The following MICAL2 variants were observed in gnomAD, a reference collection of about 807,000 sequenced individuals.
MICAL2 encodes the protein [F-actin]-monooxygenase MICAL2.
A neutral mutation model predicts 127.3 loss-of-function variants in MICAL2; 77 were observed. That is an observed-to-expected ratio of 0.60 (90% CI 0.50 to 0.73). The LOEUF is 0.73. MICAL2 is among the 30% of genes least tolerant of loss of function. The pLI is 0.00. For synonymous variants in MICAL2, 570 were observed against 551.1 expected, an observed-to-expected ratio of 1.03 and a Z score of -0.48; for missense variants, 1,351 against 1,434.4, an observed-to-expected ratio of 0.94 and a Z score of 0.94.
downstream of MICAL2, among the ~76,000 whole-genome samples, chr11:12,291,116 G>C (rs1863893066): frequency 6.6e-6 from 1 of 152,164 alleles, no homozygotes; most frequent in Non-Finnish European, 1.5e-5. Flanking sequence ...GGAGGTCCTG[G>C]GAAGTTTCTG....
intron 26 of MICAL2, chr11:12,262,072 G>A (rs1055870968): frequency 1.4e-5 from 15 of 1,085,334 alleles, no homozygotes; most frequent in Middle Eastern, 4.4e-4. Flanking sequence ...GACAGGGCGT[G>A]CCTGTCAGAA....
chr11:12,190,262 T>C (rs978523706), intron 3 of MICAL2, among the ~76,000 whole-genome samples: 1 of 152,174 alleles, frequency 6.6e-6, no homozygotes, highest in Non-Finnish European at 1.5e-5. Flanking sequence ...GATTTTCTTC[T>C]GCAAACACCC....
At chr11:12,236,679 T>A (rs896712279) in intron 16 of MICAL2, among the ~76,000 whole-genome samples, 6 of 152,270 alleles carry the variant, frequency 3.9e-5, no homozygotes, top group Non-Finnish European at 7.3e-5. Flanking sequence ...TTAAGGCATA[T>A]GTCGTGGTCT....
intron 20 of MICAL2, 69 bp from the exon 21 acceptor site, chr11:12,243,890 CTTGAGTGCACAGGCATGGGACTGCATGA>C (rs1156726433): frequency 6.9e-7 from 1 of 1,457,266 alleles, no homozygotes; most frequent in African/African-American, 1.4e-5. Context: ...TCTTTGCCTT[CTTGAGTGCACAGGCATGGGACTGCATGA>C]TTGAGGCATG....
At chr11:12,329,862 GAAA>G (rs59395634) in intron 32 of MICAL2, among the ~76,000 whole-genome samples, 138 of 121,952 alleles carry the variant, frequency 1.1e-3, no homozygotes, top group African/African-American at 4.4e-3. Flanking sequence ...CCCCAAATAT[GAAA>G]AAAAAAAAAA....
downstream of MICAL2, among the ~76,000 whole-genome samples, chr11:12,290,120 C>A (rs1356975100): frequency 3.9e-5 from 6 of 152,208 alleles, no homozygotes. Context: ...ACCTCCCAAG[C>A]AGTGGCTTGA....
At chr11:12,295,585 T>C (rs1244917980), downstream of MICAL2, among the ~76,000 whole-genome samples, 1 of 151,802 alleles carries the variant, frequency 6.6e-6, no homozygotes, top group Non-Finnish European at 1.5e-5. Flanking sequence ...TTTGTGGAGA[T>C]GGAGTCTCAA....
At chr11:12,212,314 T>C (rs1353535539) in intron 6 of MICAL2, among the ~76,000 whole-genome samples, 2 of 150,826 alleles carry the variant, frequency 1.3e-5, no homozygotes, top group Non-Finnish European at 3.0e-5. Flanking sequence ...CACAAACACT[T>C]AAAAAAAAAT....
intron 2 of MICAL2, among the ~76,000 whole-genome samples, chr11:12,148,879 G>A (rs2133699539): frequency 6.6e-6 from 1 of 152,330 alleles, no homozygotes; most frequent in African/African-American, 2.4e-5. Flanking sequence ...AGCCCAGCCA[G>A]GCGTCACTGT....
chr11:12,242,612 A>T, intron 19 of MICAL2, 59 bp from the exon 20 acceptor site: 1 of 1,535,246 alleles, frequency 6.5e-7, no homozygotes, highest in South Asian at 1.1e-5. Flanking sequence ...TTGGAAGCCA[A>T]CTGTCTCAGT....
intron 29 of MICAL2, among the ~76,000 whole-genome samples, chr11:12,318,867 G>A (rs1009306057): frequency 1.3e-5 from 2 of 152,100 alleles, no homozygotes; most frequent in Non-Finnish European, 2.9e-5. Flanking sequence ...TAGTTAACGT[G>A]GGCACTTTGC....
In MICAL2 at chr11:12,162,242, C is replaced by A; in HGVS notation, c.87C>A (p.Leu29=). 6.2e-7 allele frequency: 1 copy of A among 1,614,230 alleles called. No individual in the cohort carries two copies. Among genetic ancestry groups the A allele is most frequent in the Non-Finnish European group, 8.5e-7 (1 of 1,180,044 alleles). ...FVQASTCKGT[L]QAFNILTRHL... ...AGGCATCCACGTGCAAAGGTACCCT[C>A]CAGGCCTTCAACATTCTCACACGAC... The change falls in exon 3 of 28, where the codon CTC becomes CTA. Residue 29 remains leucine, a synonymous_variant. Coordinates refer to ENST00000683283, the MANE Select transcript of MICAL2 (RefSeq NM_001282663.2).
rs1174960846 is a variant in MICAL2 at position 12,319,320 on chromosome 11, G to A, written c.5213-376G>A. Reference sequence around the variant, plus strand: ...AGAACGAACCTTACACAAGCATTTAGGTAACTCAACTAACTTCAGACATGC... The same window carrying A: ...AGAACGAACCTTACACAAGCATTTAAGTAACTCAACTAACTTCAGACATGC... On this transcript the variant is annotated intron_variant, in intron 29 of 34. Coordinates refer to the MICAL2 transcript ENST00000646065. Among the ~76,000 whole-genome samples, 3 of 151,948 alleles carry A rather than the reference G, an allele frequency of 2.0e-5. No homozygotes were observed. The East Asian group carries it at 5.8e-4, about 29-fold the overall frequency.
chr11:12,110,962 T>G lies in MICAL2; in HGVS notation c.-149+236T>G, dbSNP rs925035527. Among the ~76,000 whole-genome samples, 1 of 151,930 alleles carries G rather than the reference T, an allele frequency of 6.6e-6. No individual in the cohort carries two copies. Among genetic ancestry groups the G allele is most frequent in the Non-Finnish European group, 1.5e-5 (1 of 67,976 alleles). Reference sequence around the variant, plus strand: ...AACCAATTAGAACGCAATAAAAGCCTCCCACCGGCACGCCGAACTACCTCT... The same window carrying G: ...AACCAATTAGAACGCAATAAAAGCCGCCCACCGGCACGCCGAACTACCTCT... On this transcript the variant is annotated intron_variant, in intron 1 of 27. Transcript: ENST00000683283. This position sits in a 1 kb window ranked among gnomAD's most constrained non-coding sequence, Gnocchi z 4.5.
At chr11:12,198,970 C>T (rs932215187) in intron 3 of MICAL2, among the ~76,000 whole-genome samples, 10 of 152,190 alleles carry the variant, frequency 6.6e-5, no homozygotes, top group African/African-American at 2.2e-4. Context: ...GTGCTCAATG[C>T]AGGGAAGGAG....
chr11:12,227,011 T>A lies in MICAL2; in HGVS notation c.1889-14T>A. ...CCAGGTTCCAAATCACAGTTGCGCTTTATTTCCCAACAGATTCTTGGCGCA... is the reference window on the plus strand; with the variant it reads ...CCAGGTTCCAAATCACAGTTGCGCTATATTTCCCAACAGATTCTTGGCGCA... On this transcript the variant is annotated splice_polypyrimidine_tract_variant and intron_variant, in intron 14 of 27. Transcript: ENST00000683283. 1 of 1,606,736 alleles carries A rather than the reference T, an allele frequency of 6.2e-7. No individual in the cohort carries two copies. Among genetic ancestry groups the A allele is most frequent in the Admixed American group, 1.7e-5 (1 of 60,000 alleles).
chr11:12,354,569 C>A (rs529033229), intron 33 of MICAL2, among the ~76,000 whole-genome samples: 216 of 151,950 alleles, frequency 1.4e-3, no homozygotes, highest in Middle Eastern at 3.4e-3. Context: ...ACCTGGGGGG[C>A]GAAGGTTGCA....
At chr11:12,292,295 C>T (rs1179860691), downstream of MICAL2, 4 of 1,613,982 alleles carry the variant, frequency 2.5e-6, no homozygotes, top group East Asian at 2.2e-5. Flanking sequence ...CTCCCCGCCT[C>T]AGGTGAGTGT....
intron 16 of MICAL2, among the ~76,000 whole-genome samples, chr11:12,236,693 C>G (rs1319383733): frequency 1.3e-5 from 2 of 152,240 alleles, no homozygotes; most frequent in Non-Finnish European, 2.9e-5. Context: ...GTGGTCTCCA[C>G]AAGTGCCACC....
Sources: allele counts gnomAD v4.1 joint callset (sites outside exome capture counted in the v4.1 genomes callset), GRCh38; gene constraint gnomAD v4.1.1; non-coding constraint Gnocchi (gnomAD v3.1); transcripts MANE v1.5; gene names NCBI Gene and HGNC (gene_info 2026-07-23, HGNC 2026-07-21).